The following LTBP4 variants were observed in gnomAD, a reference collection of about 807,000 sequenced individuals.
LTBP4 encodes the protein latent-transforming growth factor beta-binding protein 4.
In LTBP4, 93 loss-of-function variants were observed where a neutral mutation model predicts 180.2. The observed-to-expected ratio is 0.52, with a 90% CI of 0.44 to 0.61. LTBP4 has a LOEUF of 0.61. Ranked by LOEUF, LTBP4 falls within the 20% of genes least tolerant of loss-of-function variation. The pLI is 0.00. For missense variants in LTBP4, 2,116 were observed against 2,256.5 expected (o/e 0.94, Z 1.26); for synonymous variants, 947 against 934.5 (o/e 1.01, Z -0.24).
At chr19:40,610,406 C>T (rs2081496863) in intron 11 of LTBP4, 126 bp from the exon 12 acceptor site, 3 of 1,163,628 alleles carry the variant, frequency 2.6e-6, no homozygotes, top group Admixed American at 2.4e-5. Context: ...GCTGTCCTGG[C>T]CGGGTCCCCA....
At position 40,613,367 on chromosome 19, in the gene LTBP4, G is replaced by C. The variant is rs12611045; in HGVS notation, c.2432-37G>C. 0.3 allele frequency: 481,545 copies of C among 1,590,880 alleles called. 75,212 individuals carry two copies. The highest frequency in any genetic ancestry group is 0.47 in the South Asian group (41,631 of 87,706). ...TGGGCGGAGCTTGTCTGGGAGGCCG[G>C]GTCCCGTGACTCCGCCCAATCTCCC... is the stretch of plus-strand genomic sequence containing the variant. On this transcript the variant is annotated intron_variant, in intron 16 of 29. Transcript: ENST00000396819. This position sits in a 1 kb window ranked among gnomAD's most constrained non-coding sequence, Gnocchi z 5.0.
chr19:40,611,174 C>T lies in LTBP4; in HGVS notation c.1833C>T (p.Ser611=), dbSNP rs1484299783. ...CAGATGTGGATGAATGCACCCAGAG[C>T]CCAGGCCTGTGTGGCCGAGGGGCCT... ...SCQDVDECTQ[S]PGLCGRGACK... is the part of the protein sequence containing the mutation. The change falls in exon 13 of 30, where the codon AGC becomes AGT. Residue 611 remains serine (S), a synonymous_variant. Coordinates refer to ENST00000396819, the MANE Select transcript of LTBP4 (RefSeq NM_001042545.2). This position sits in a 1 kb window ranked among gnomAD's most constrained non-coding sequence, Gnocchi z 4.4. 5 of 1,613,976 alleles carry T rather than the reference C, an allele frequency of 3.1e-6. No individual in the cohort carries two copies. The African/African-American group carries it at 6.7e-5, about 22-fold the overall frequency.
At chr19:40,627,681 A>T (rs748857056) in intron 28 of LTBP4, 24 bp from the exon 29 acceptor site, 1 of 1,570,868 alleles carries the variant, frequency 6.4e-7, no homozygotes, top group East Asian at 2.4e-5. Context: ...ACCTCAAGTC[A>T]TAGGGTCCCC....
Position 40,629,448 on chromosome 19 carries a change from G to A in LTBP4, c.4572G>A (p.Ala1524=), listed in dbSNP as rs371783184. 2.5e-6 allele frequency: 4 copies of A among 1,612,430 alleles called. No homozygotes were observed. The highest frequency in any genetic ancestry group is 1.3e-5 in the African/African-American group (1 of 74,922). ...AEAASPLCVN[A]RCLNTDGSFR... ...CTGCCTCCCCGCTGTGCGTCAACGCGCGTTGCCTCAACACGGATGGCTCCT... is the reference window on the plus strand; with the variant it reads ...CTGCCTCCCCGCTGTGCGTCAACGCACGTTGCCTCAACACGGATGGCTCCT... Residue 1524 remains alanine (A), a synonymous_variant, in exon 30 of 30, where the codon GCG becomes GCA. Transcript: ENST00000396819. The surrounding 1 kb of genome is among the most constrained non-coding windows in gnomAD (Gnocchi z 4.5).
intron 26 of LTBP4, among the ~76,000 whole-genome samples, chr19:40,624,817 C>G (rs1341193833): frequency 1.3e-5 from 2 of 151,936 alleles, no homozygotes; most frequent in Non-Finnish European, 2.9e-5. Context: ...CTCTAGGTCT[C>G]TGTCTCTTTC....
At chr19:40,627,492 G>C in intron 28 of LTBP4, 137 bp downstream of exon 28, 1 of 1,308,802 alleles carries the variant, frequency 7.6e-7, no homozygotes, top group South Asian at 1.5e-5. Context: ...GGACAGAGAA[G>C]TGTCTATAGC....
Position 40,614,451 on chromosome 19 carries a change from G to A in LTBP4, c.2812+5G>A. ...GCCCCGAGGGCACCTGTGACGGTGA[G>A]CCTGCCCCCACCCGCCTTCGCTAGC... On this transcript the variant is annotated splice_donor_5th_base_variant and intron_variant, in intron 19 of 29. Transcript: ENST00000396819. 1.9e-6 allele frequency: 3 copies of A among 1,597,548 alleles called. No individual in the cohort carries two copies. The highest frequency in any genetic ancestry group is 2.2e-5 in the East Asian group (1 of 44,830).
chr19:40,613,611 G>A lies in LTBP4; in HGVS notation c.2557+82G>A. 1.3e-6 allele frequency: 2 copies of A among 1,535,930 alleles called. No homozygotes were observed. The highest frequency in any genetic ancestry group is 1.7e-6 in the Non-Finnish European group (2 of 1,144,450). The stretch of plus-strand genomic sequence containing the variant: ...CGGGACGGGGAGAAGAGGGCGAAAA[G>A]GGGAAAACGAGTTTTTAGCCGGGGT... On this transcript the variant is annotated intron_variant, in intron 17 of 29. Coordinates refer to ENST00000396819, the MANE Select transcript of LTBP4 (RefSeq NM_001042545.2). The surrounding 1 kb of genome is among the most constrained non-coding windows in gnomAD (Gnocchi z 5.0).
Position 40,627,046 on chromosome 19 carries a change from C to G in LTBP4, c.4057C>G (p.Leu1353Val), listed in dbSNP as rs756823080. The G allele has an allele frequency of 6.2e-7, 1 of 1,611,444 alleles. No individual in the cohort carries two copies. The highest frequency in any genetic ancestry group is 1.3e-5 in the African/African-American group (1 of 74,896). Residue 1353 changes from leucine (L) to valine (V), a missense_variant, in exon 28 of 30, where the codon CTC (leucine) becomes GTC (valine). This residue lies in a region of LTBP4 where 488 missense variants were observed against 458.8 expected (regional missense o/e 1.06). Coordinates refer to ENST00000396819, the MANE Select transcript of LTBP4 (RefSeq NM_001042545.2). ...YSPPRPGGFG[L>V]PYEYGPDLGP... ...CCCCCCGCGACCAGGTGGCTTTGGA[C>G]TCCCCTACGAGTACGGCCCAGACTT...
chr19:40,627,636 G>T lies in LTBP4; in HGVS notation c.4367-69G>T, dbSNP rs774850643. On this transcript the variant is annotated intron_variant, in intron 28 of 29. Transcript: ENST00000396819. ...GCGAGAAAGATGGAGCCAAGGACGC[G>T]CACCCACCGTTGTGGGTAAGGGGTG... is the stretch of plus-strand genomic sequence containing the variant. The T allele has an allele frequency of 9.8e-5, 148 of 1,511,520 alleles. 1 individual carries two copies. In the South Asian group the frequency reaches 1.7e-3, roughly 17 times the overall value. The allele number at this position is 1,511,520 out of a possible 1,614,324, so 93.6% of individuals were successfully genotyped here. A position where few individuals can be genotyped will look rare whatever the true frequency, so the allele number is the denominator to read the frequency against.
intron 21 of LTBP4, among the ~76,000 whole-genome samples, chr19:40,618,192 C>T (rs890390436): frequency 4.6e-5 from 7 of 151,688 alleles, no homozygotes; most frequent in Admixed American, 1.3e-4. Flanking sequence ...ACTGAGCTTC[C>T]GAGTAGCTGC....
chr19:40,626,061 A>T, intron 27 of LTBP4, 52 bp downstream of exon 27: 1 of 1,515,188 alleles, frequency 6.6e-7, no homozygotes, highest in Non-Finnish European at 8.8e-7. Flanking sequence ...ATGGGCTCCA[A>T]ATCTAGGCCC....
chr19:40,611,326 C>T lies in LTBP4; in HGVS notation c.1985C>T (p.Thr662Met), dbSNP rs770874912. Residue 662 changes from threonine (T) to methionine (M), a missense_variant, in exon 13 of 30, where the codon ACG becomes ATG. Thr to Met is a moderately conservative substitution (Grantham distance 81). Coordinates refer to ENST00000396819, the MANE Select transcript of LTBP4 (RefSeq NM_001042545.2). The surrounding 1 kb of genome is among the most constrained non-coding windows in gnomAD (Gnocchi z 4.4). ...PPCGPGRCDN[T>M]AGSFHCACPA... ...TGTGGGCCCGGCCGCTGTGACAACA[C>T]GGCAGGCTCCTTTCACTGTGCCTGC... The T allele has an allele frequency of 1.9e-5, 31 of 1,611,818 alleles. No homozygotes were observed. In the East Asian group the frequency reaches 3.8e-4, roughly 20 times the overall value.
chr19:40,594,477 A>T (rs1047276488), intron 1 of LTBP4: 1 of 152,164 alleles, frequency 6.6e-6, no homozygotes, highest in Non-Finnish European at 1.5e-5. Flanking sequence ...CCTAGCAACA[A>T]GCATTGAAGA....
At position 40,627,324 on chromosome 19, in the gene LTBP4, C is replaced by G. The variant is rs369428290; in HGVS notation, c.4335C>G (p.Pro1445=). The change falls in exon 28 of 30, where the codon CCC becomes CCG. Residue 1445 remains proline (P), a synonymous_variant. Coordinates refer to ENST00000396819, the MANE Select transcript of LTBP4 (RefSeq NM_001042545.2). Reference sequence around the variant, plus strand: ...ACACCCGCCGCTCCTTCCCAGAGCCCGAGGAGCCTCCTGAAGGTGGAAGCT... The same window carrying G: ...ACACCCGCCGCTCCTTCCCAGAGCCGGAGGAGCCTCCTGAAGGTGGAAGCT... ...SRDTRRSFPE[P]EEPPEGGSYA... 3.3e-6 allele frequency: 5 copies of G among 1,520,440 alleles called. No homozygotes were observed. Among genetic ancestry groups the G allele is most frequent in the African/African-American group, 1.4e-5 (1 of 72,888 alleles). The allele number at this position is 1,520,440 out of a possible 1,614,324, so 94.2% of individuals were successfully genotyped here.
chr19:40,607,555 C>A (rs1294212626), intron 7 of LTBP4, 26 bp downstream of exon 7: 2 of 1,583,298 alleles, frequency 1.3e-6, no homozygotes, highest in Non-Finnish European at 1.7e-6. Context: ...AGTGCCTAGC[C>A]CTACGCGCAA....
Position 40,605,254 on chromosome 19 carries a change from C to T in LTBP4, c.442+28C>T. 6.4e-7 allele frequency: 1 copy of T among 1,568,126 alleles called. No individual in the cohort carries two copies. The highest frequency in any genetic ancestry group is 1.4e-5 in the African/African-American group (1 of 73,774). On this transcript the variant is annotated intron_variant, in intron 2 of 29. Coordinates refer to ENST00000396819, the MANE Select transcript of LTBP4 (RefSeq NM_001042545.2). The surrounding 1 kb of genome is among the most constrained non-coding windows in gnomAD (Gnocchi z 5.5). The stretch of plus-strand genomic sequence containing the variant: ...GAGGAAAGGGTGGCCAGAGTCCCCT[C>T]CGACCCCTGTCAAGCATTTCACTTT...
At position 40,622,299 on chromosome 19, in the gene LTBP4, CCCTCTGTTTCCCTATCTATGCCAG is replaced by C; in HGVS notation, c.3218-97_3218-74del. The C allele has an allele frequency of 7.6e-7, 1 of 1,314,596 alleles. No individual in the cohort carries two copies. Among genetic ancestry groups the C allele is most frequent in the South Asian group, 1.6e-5 (1 of 61,610 alleles). The allele number at this position is 1,314,596 out of a possible 1,614,324, so 81.4% of individuals were successfully genotyped here. On this transcript the variant is annotated intron_variant, in intron 22 of 29. Transcript: ENST00000396819. This position sits in a 1 kb window ranked among gnomAD's most constrained non-coding sequence, Gnocchi z 5.1. ...CTGGTTCTGCCACTGATGGCTGCCA[CCCTCTGTTTCCCTATCTATGCCAG>C]CCTCAGTTTCCCCATCTATGATAGT...
chr19:40,600,964 T>G (rs563406878), upstream of LTBP4, among the ~76,000 whole-genome samples: 2 of 152,290 alleles, frequency 1.3e-5, no homozygotes, highest in South Asian at 4.1e-4. This position sits in a 1 kb window ranked among gnomAD's most constrained non-coding sequence, Gnocchi z 4.4. Flanking sequence ...CCTATCAAGA[T>G]GAAGCCCCTT....
Sources: allele counts gnomAD v4.1 joint callset (sites outside exome capture counted in the v4.1 genomes callset), GRCh38; gene constraint gnomAD v4.1.1; regional missense constraint gnomAD v4.1.1; non-coding constraint Gnocchi (gnomAD v3.1); transcripts MANE v1.5; gene names NCBI Gene and HGNC (gene_info 2026-07-23, HGNC 2026-07-21).